Variants in RFX3 observed in about 807,000 individuals in gnomAD.
The protein encoded by RFX3 is transcription factor RFX3.
Under a neutral mutation model 98.6 loss-of-function variants are expected in RFX3, and 14 were observed. That is an observed-to-expected ratio of 0.14 (90% CI 0.09 to 0.22). The LOEUF (loss-of-function observed/expected upper bound fraction) is 0.22. Among genes scored for constraint, RFX3 ranks in the 10% least tolerant of loss-of-function variants. The pLI, the probability that RFX3 is intolerant of heterozygous loss-of-function variation, is 1.00. For synonymous variants in RFX3, 383 were observed against 328.4 expected, an observed-to-expected ratio of 1.17 and a Z score of -1.80; for missense variants, 639 against 926.9, an observed-to-expected ratio of 0.69 and a Z score of 4.03.
intron 1 of RFX3, among the ~76,000 whole-genome samples, chr9:3,441,826 A>C (rs1845634510): frequency 6.6e-6 from 1 of 152,158 alleles, no homozygotes; most frequent in Admixed American, 6.6e-5. Context: ...ATAAAACTCT[A>C]TAAAACCCTC....
intron 1 of RFX3, among the ~76,000 whole-genome samples, chr9:3,471,119 A>G (rs1848738945): frequency 6.6e-6 from 1 of 152,202 alleles, no homozygotes; most frequent in East Asian, 1.9e-4. Flanking sequence ...GGCCCAAAGC[A>G]CCAAATTACT....
chr9:3,370,224 T>C (rs1217802704), intron 2 of RFX3, among the ~76,000 whole-genome samples: 2 of 151,394 alleles, frequency 1.3e-5, no homozygotes, highest in Non-Finnish European at 2.9e-5. Context: ...CTAGAGCAAG[T>C]TATCCAATGA....
intron 2 of RFX3, among the ~76,000 whole-genome samples, chr9:3,352,305 C>T (rs1407481757): frequency 6.6e-6 from 1 of 151,684 alleles, no homozygotes; most frequent in Non-Finnish European, 1.5e-5. Flanking sequence ...TATACAAATT[C>T]ATATAAACAA....
intron 1 of RFX3, among the ~76,000 whole-genome samples, chr9:3,401,820 T>C (rs1841495447): frequency 6.6e-6 from 1 of 152,160 alleles, no homozygotes; most frequent in South Asian, 2.1e-4. Context: ...GGCTGAATCA[T>C]GCGAATCTAC....
chr9:3,418,491 T>C (rs910181044), intron 1 of RFX3, among the ~76,000 whole-genome samples: 2 of 152,088 alleles, frequency 1.3e-5, no homozygotes, highest in Non-Finnish European at 2.9e-5. Context: ...GCAATTCTCC[T>C]ACCTCAGCCT....
chr9:3,505,299 T>TGA (rs1816895287), intron 1 of RFX3, among the ~76,000 whole-genome samples: 2 of 101,074 alleles, frequency 2.0e-5, no homozygotes, highest in African/African-American at 4.3e-5. Context: ...TATATTTATA[T>TGA]ATATATAAAT....
chr9:3,407,454 A>AATTC (rs1482134795), intron 1 of RFX3, among the ~76,000 whole-genome samples: 2 of 152,166 alleles, frequency 1.3e-5, no homozygotes, highest in Non-Finnish European at 2.9e-5. Context: ...GAACTTAAAT[A>AATTC]ATTCCATCAG....
chr9:3,491,403 T>G (rs771374514), intron 1 of RFX3, among the ~76,000 whole-genome samples: 1 of 152,192 alleles, frequency 6.6e-6, no homozygotes, highest in Admixed American at 6.5e-5. Context: ...GTATATTTTC[T>G]GACATGAGGC....
chr9:3,300,256 C>T (rs1484525446), intron 5 of RFX3, among the ~76,000 whole-genome samples: 2 of 151,600 alleles, frequency 1.3e-5, no homozygotes, highest in Admixed American at 1.3e-4. Flanking sequence ...ATTTCTTAAA[C>T]TCTTTCAAAA....
chr9:3,323,939 G>C (rs888492888), intron 4 of RFX3: 48 of 358,588 alleles, frequency 1.3e-4, no homozygotes, highest in Non-Finnish European at 2.5e-4. Context: ...ATGGAATACA[G>C]ATGAAGTGAT....
chr9:3,263,603 G>C (rs776850741), intron 12 of RFX3, among the ~76,000 whole-genome samples: 26 of 152,134 alleles, frequency 1.7e-4, no homozygotes, highest in Non-Finnish European at 3.2e-4. Context: ...TTATTTTATA[G>C]AAACGAGTAA....
intron 2 of RFX3, among the ~76,000 whole-genome samples, chr9:3,393,742 T>C (rs916517680): frequency 6.8e-6 from 1 of 146,980 alleles, no homozygotes; most frequent in Non-Finnish European, 1.5e-5. Flanking sequence ...TATAAAAAGA[T>C]AAAAACATAA....
chr9:3,385,866 A>G (rs968452022), intron 2 of RFX3, among the ~76,000 whole-genome samples: 1 of 152,136 alleles, frequency 6.6e-6, no homozygotes, highest in Non-Finnish European at 1.5e-5. Context: ...CTAATTTCCT[A>G]AAGTCTTATA....
At chr9:3,453,765 T>G (rs1479220668) in intron 1 of RFX3, 2 of 151,874 alleles carry the variant, frequency 1.3e-5, no homozygotes, top group African/African-American at 4.9e-5. Context: ...AACAAAAAAT[T>G]CAAGAACAAT....
chr9:3,343,537 C>T (rs1834125756), intron 3 of RFX3, among the ~76,000 whole-genome samples: 1 of 152,108 alleles, frequency 6.6e-6, no homozygotes. Context: ...AGTCAAATGT[C>T]AGCACTACAA....
rs184621096 is a variant in RFX3, at chr9:3,450,485, G to C, written c.-8-54889C>G. ...GAAATGTTTAGTGATACAAAAGAAA[G>C]TACTATTCTTTCTTTTAAAAAGAAC... On this transcript the variant is annotated intron_variant, in intron 1 of 16. Coordinates refer to ENST00000617270, the MANE Select transcript of RFX3 (RefSeq NM_001282116.2). Among the ~76,000 whole-genome samples the C allele has an allele frequency of 9.2e-5, 14 of 152,158 alleles. No individual in the cohort carries two copies. In the East Asian group the frequency reaches 2.5e-3, roughly 27 times the overall value.
At chr9:3,241,862 G>A (rs1819973059) in intron 15 of RFX3, among the ~76,000 whole-genome samples, 1 of 152,082 alleles carries the variant, frequency 6.6e-6, no homozygotes, top group African/African-American at 2.4e-5. Flanking sequence ...CTAACAAAAA[G>A]TGCAAGGGGA....
chr9:3,361,147 G>A (rs1314770881), intron 2 of RFX3, among the ~76,000 whole-genome samples: 3 of 152,156 alleles, frequency 2.0e-5, no homozygotes. Context: ...TACGGTAGAG[G>A]CTGCTATGTG....
chr9:3,355,878 GA>G (rs1474797921), intron 2 of RFX3, among the ~76,000 whole-genome samples: 1 of 151,670 alleles, frequency 6.6e-6, no homozygotes. Flanking sequence ...AGGACAAAAA[GA>G]TATCTTAAAA....
Sources: allele counts gnomAD v4.1 joint callset (sites outside exome capture counted in the v4.1 genomes callset), GRCh38; gene constraint gnomAD v4.1.1; transcripts MANE v1.5; gene names NCBI Gene and HGNC (gene_info 2026-07-23, HGNC 2026-07-21).